The following DYM variants were observed in gnomAD, a reference collection of about 807,000 sequenced individuals.
DYM encodes dymeclin, also known as dyggve-Melchior-Clausen syndrome protein.
DYM carries 78 observed loss-of-function variants against 93.1 expected under a neutral mutation model. The observed-to-expected ratio is 0.84, with a 90% CI of 0.70 to 1.01. DYM has a LOEUF of 1.01. Ranked by LOEUF, DYM falls within the 50% of genes least tolerant of loss-of-function variation. DYM has a pLI of 0.00. For synonymous variants in DYM, 321 were observed against 319.7 expected (o/e 1.00, Z -0.04); for missense variants, 789 against 845.0 (o/e 0.93, Z 0.82).
chr18:49,067,894 C>T (rs918319906), intron 17 of DYM, among the ~76,000 whole-genome samples: 3 of 151,996 alleles, frequency 2.0e-5, no homozygotes, highest in African/African-American at 4.8e-5. Context: ...AAGGCATAAA[C>T]AGATCTGAGA....
At position 49,293,566 on chromosome 18, in the gene DYM, T is replaced by C. The variant is rs370772622; in HGVS notation, c.764-6950A>G. Among the ~76,000 whole-genome samples the C allele has an allele frequency of 1.5e-4, 23 of 152,372 alleles. No individual in the cohort carries two copies. The South Asian group carries it at 4.1e-3, about 27-fold the overall frequency. On this transcript the variant is annotated intron_variant, in intron 8 of 17. Transcript: ENST00000675505. Reference sequence around the variant, plus strand: ...TCATTGTGGTTTTGATTTGCATTTCTCTAATGACCAGTGATGATGAGCTTT... The same window carrying C: ...TCATTGTGGTTTTGATTTGCATTTCCCTAATGACCAGTGATGATGAGCTTT...
chr18:49,272,092 G>A, intron 11 of DYM, 86 bp downstream of exon 11: 1 of 1,223,338 alleles, frequency 8.2e-7, no homozygotes, highest in Non-Finnish European at 1.2e-6. Flanking sequence ...ACATCTACCA[G>A]AAAGAAATGT....
At chr18:49,093,744 C>T (rs1292779011) in intron 17 of DYM, among the ~76,000 whole-genome samples, 1 of 152,108 alleles carries the variant, frequency 6.6e-6, no homozygotes, top group Non-Finnish European at 1.5e-5. Flanking sequence ...CCTCCCAGTA[C>T]AGCACTCAGG....
intron 15 of DYM, among the ~76,000 whole-genome samples, chr18:49,128,962 G>A (rs1023650954): frequency 6.6e-6 from 1 of 152,048 alleles, no homozygotes; most frequent in African/African-American, 2.4e-5. Flanking sequence ...ATAAACAGAA[G>A]GGAAATAATC....
rs1010446265 is a variant in DYM at position 49,055,486 on chromosome 18, T to C, written c.2026-11282A>G. The stretch of plus-strand genomic sequence containing the variant: ...ACTTAGGAGGCTGGGAGAAGGAGAA[T>C]ATTTTGATTCCAAGGTAGGAGATGG... On this transcript the variant is annotated intron_variant, in intron 17 of 17. Coordinates refer to ENST00000675505, the MANE Select transcript of DYM (RefSeq NM_001353214.3). Among the ~76,000 whole-genome samples, 6 of 152,154 alleles carry C rather than the reference T, an allele frequency of 3.9e-5. No homozygotes were observed. The South Asian group carries it at 1.2e-3, about 32-fold the overall frequency.
chr18:49,244,847 C>T (rs914769733), intron 13 of DYM, among the ~76,000 whole-genome samples: 5 of 152,196 alleles, frequency 3.3e-5, no homozygotes, highest in Non-Finnish European at 7.3e-5. Flanking sequence ...ACCTACTGCA[C>T]CATCAAGAAC....
rs1490732008 is a variant in DYM at position 49,039,718 on chromosome 18, TTTAG to T, written c.*4333_*4336del. On this transcript the variant is annotated 3_prime_UTR_variant, in exon 18 of 18. Transcript: ENST00000675505. Reference sequence around the variant, plus strand: ...TTCACTGTTCTTCTCATTACAGTACTTTAGTTATAGAATTTCCAATGCGCCTTTT... The same window carrying T: ...TTCACTGTTCTTCTCATTACAGTACTTTATAGAATTTCCAATGCGCCTTTT... Among the ~76,000 whole-genome samples the T allele has an allele frequency of 3.3e-5, 5 of 152,222 alleles. No individual in the cohort carries two copies. The highest frequency in any genetic ancestry group is 1.9e-4 in the East Asian group (1 of 5,202).
At chr18:49,095,859 G>A (rs1192338390) in intron 17 of DYM, among the ~76,000 whole-genome samples, 1 of 152,064 alleles carries the variant, frequency 6.6e-6, no homozygotes, top group Admixed American at 6.6e-5. Flanking sequence ...TGAACTACAA[G>A]ATTAACCTTC....
At chr18:49,080,827 G>C (rs2077906897) in intron 17 of DYM, among the ~76,000 whole-genome samples, 1 of 151,586 alleles carries the variant, frequency 6.6e-6, no homozygotes, top group African/African-American at 2.4e-5. Flanking sequence ...TCTCAGACGG[G>C]GCGGCTGGGC....
In DYM at chr18:49,343,582, T is replaced by G. The variant is rs76327919; in HGVS notation, c.495-9729A>C. Among the ~76,000 whole-genome samples the G allele has an allele frequency of 3.4e-3, 525 of 152,254 alleles. 4 individuals carry two copies. The highest frequency in any genetic ancestry group is 0.012 in the African/African-American group (486 of 41,506). On this transcript the variant is annotated intron_variant, in intron 6 of 17. Coordinates refer to ENST00000675505, the MANE Select transcript of DYM (RefSeq NM_001353214.3). ...TGTCCTATCCCACTCGCAACTAGAATTTATATCTTATTCAGTATTGTATCC... is the reference window on the plus strand; with the variant it reads ...TGTCCTATCCCACTCGCAACTAGAAGTTATATCTTATTCAGTATTGTATCC...
chr18:49,122,279 C>T (rs976824144), intron 15 of DYM, among the ~76,000 whole-genome samples: 1 of 152,158 alleles, frequency 6.6e-6, no homozygotes, highest in Non-Finnish European at 1.5e-5. Context: ...ACGGTGATGA[C>T]AATACACTTA....
At chr18:49,056,731 T>C (rs1247202446) in intron 17 of DYM, among the ~76,000 whole-genome samples, 2 of 151,416 alleles carry the variant, frequency 1.3e-5, no homozygotes, top group African/African-American at 4.9e-5. Flanking sequence ...GTATTTTTAG[T>C]AGAGACGGGG....
At chr18:49,309,726 T>C (rs2061478985) in intron 8 of DYM, among the ~76,000 whole-genome samples, 1 of 152,240 alleles carries the variant, frequency 6.6e-6, no homozygotes, top group Non-Finnish European at 1.5e-5. Flanking sequence ...ATCTGTGGTC[T>C]TAAAATTTCC....
chr18:49,143,267 T>C (rs1057418125), intron 15 of DYM, among the ~76,000 whole-genome samples: 3 of 152,196 alleles, frequency 2.0e-5, no homozygotes, highest in African/African-American at 7.2e-5. Flanking sequence ...GTGAAGTCTG[T>C]CTGACTTGCA....
At chr18:49,192,095 ATTTTTTTT>A (rs55967928) in intron 14 of DYM, among the ~76,000 whole-genome samples, 20 of 68,334 alleles carry the variant, frequency 2.9e-4, no homozygotes, top group Admixed American at 1.3e-3. Flanking sequence ...TGCCTGGCTA[ATTTTTTTT>A]TTTTTTTTTT....
At chr18:49,379,984 G>A (rs949942651) in intron 3 of DYM, among the ~76,000 whole-genome samples, 11 of 152,034 alleles carry the variant, frequency 7.2e-5, no homozygotes, top group African/African-American at 2.7e-4. Flanking sequence ...GATAGAAACA[G>A]TACAAGTAGC....
intron 14 of DYM, among the ~76,000 whole-genome samples, chr18:49,201,833 T>C (rs2092014168): frequency 6.6e-6 from 1 of 152,236 alleles, no homozygotes; most frequent in Non-Finnish European, 1.5e-5. Context: ...GATCGCTTTT[T>C]ATATGTTACT....
At chr18:49,060,639 G>T (rs2075875832) in intron 17 of DYM, among the ~76,000 whole-genome samples, 1 of 93,970 alleles carries the variant, frequency 1.1e-5, no homozygotes, top group Non-Finnish European at 2.3e-5. Context: ...GGGGGAGAGA[G>T]GGGGAGAGGG....
chr18:49,289,657 G>A (rs1245639314), intron 8 of DYM, among the ~76,000 whole-genome samples: 1 of 146,084 alleles, frequency 6.8e-6, no homozygotes, highest in Non-Finnish European at 1.5e-5. Context: ...GCTACAGTAA[G>A]CTGTGACTGT....
Sources: gnomAD v4.1 joint callset for allele counts (sites outside exome capture counted in the v4.1 genomes callset) on GRCh38, gnomAD v4.1.1 for gene constraint, MANE v1.5 for transcripts, NCBI Gene and HGNC (gene_info 2026-07-23, HGNC 2026-07-21) for gene names.